The following ATP9B variants were observed in gnomAD, a reference collection of about 807,000 sequenced individuals.
The protein encoded by ATP9B is ATPase phospholipid transporting 9B, also known as probable phospholipid-transporting ATPase IIB.
A neutral mutation model predicts 146.1 loss-of-function variants in ATP9B; 110 were observed. The ratio of observed to expected loss-of-function variants is 0.75; its 90% CI spans 0.65 to 0.88. The LOEUF (loss-of-function observed/expected upper bound fraction) is 0.88. Ranked by LOEUF, ATP9B falls within the 40% of genes least tolerant of loss-of-function variation. The pLI is 0.00. For missense variants in ATP9B, 1,499 were observed against 1,496.4 expected (o/e 1.00, Z -0.03); for synonymous variants, 604 against 569.7 (o/e 1.06, Z -0.86).
intron 1 of ATP9B, among the ~76,000 whole-genome samples, chr18:79,078,839 G>A (rs1043507614): frequency 6.6e-6 from 1 of 152,126 alleles, no homozygotes; most frequent in African/African-American, 2.4e-5. Flanking sequence ...AGGCCCCGGT[G>A]TGTGTTGTTC....
At position 79,136,375 on chromosome 18, in the gene ATP9B, C is replaced by T. The variant is rs2094447839; in HGVS notation, c.668-7427C>T. On this transcript the variant is annotated intron_variant, in intron 5 of 29. Transcript: ENST00000426216. ...TTTGAGGGTTAGTTGTCTTTTATCT[C>T]AGCTTTCAATATTTTGTTACTGGTT... 6.6e-5 allele frequency among the ~76,000 whole-genome samples: 10 copies of T among 152,228 alleles called. No individual in the cohort carries two copies. The South Asian group carries it at 2.1e-3, about 32-fold the overall frequency.
intron 17 of ATP9B, among the ~76,000 whole-genome samples, chr18:79,334,077 G>A (rs1234839180): frequency 1.3e-5 from 2 of 152,290 alleles, no homozygotes; most frequent in African/African-American, 2.4e-5. Flanking sequence ...AAACTGCTAG[G>A]CTGGGCGCGG....
rs371927049 is a variant in ATP9B, at chr18:79,375,468, G to A, written c.3307+42G>A. On this transcript the variant is annotated intron_variant, in intron 29 of 29. Transcript: ENST00000426216. ...TTTCTTTCAAAAGTGTAGAAATTTA[G>A]CCAAACAATATTGATAAAGATACTT... The A allele has an allele frequency of 6.9e-6, 11 of 1,598,186 alleles. No individual in the cohort carries two copies. The African/African-American group carries it at 1.5e-4, about 22-fold the overall frequency.
chr18:79,124,962 C>T (rs546103938), intron 4 of ATP9B, among the ~76,000 whole-genome samples: 6 of 152,092 alleles, frequency 3.9e-5, no homozygotes, highest in Non-Finnish European at 8.8e-5. Context: ...TTCAGAAAGA[C>T]AGCCAGGAGA....
At chr18:79,122,481 C>T (rs1326333947) in intron 4 of ATP9B, among the ~76,000 whole-genome samples, 1 of 152,156 alleles carries the variant, frequency 6.6e-6, no homozygotes, top group Non-Finnish European at 1.5e-5. Context: ...TATCTTAAAA[C>T]CAGTGACATC....
chr18:79,319,528 G>A (rs1292241006), intron 15 of ATP9B, among the ~76,000 whole-genome samples: 1 of 152,114 alleles, frequency 6.6e-6, no homozygotes, highest in African/African-American at 2.4e-5. Flanking sequence ...CTTCCGTAGG[G>A]GTCCCTGCTT....
Position 79,154,501 on chromosome 18 carries a change from C to T in ATP9B, c.727-3C>T. The T allele has an allele frequency of 2.0e-6, 3 of 1,533,190 alleles. No individual in the cohort carries two copies. Among genetic ancestry groups the T allele is most frequent in the South Asian group, 2.7e-5 (2 of 74,948 alleles). The allele number at this position is 1,533,190 out of a possible 1,614,324, so 95.0% of individuals were successfully genotyped here. A position where few individuals can be genotyped will look rare whatever the true frequency, so the allele number is the denominator to read the frequency against. On this transcript the variant is annotated splice_polypyrimidine_tract_variant and splice_region_variant and intron_variant, in intron 6 of 29. Transcript: ENST00000426216. ...AATTAATCTTTTATAATGCTCTTTG[C>T]AGAATCAAAGAATTCCATCGGACAT...
chr18:79,119,122 A>G (rs1223984290), intron 4 of ATP9B, among the ~76,000 whole-genome samples: 2 of 152,120 alleles, frequency 1.3e-5, no homozygotes, highest in Admixed American at 1.3e-4. Context: ...TTTAACTTAA[A>G]CAATGATGGT....
At chr18:79,148,639 G>T (rs886235966) in intron 6 of ATP9B, among the ~76,000 whole-genome samples, 1 of 152,168 alleles carries the variant, frequency 6.6e-6, no homozygotes, top group Non-Finnish European at 1.5e-5. Context: ...GTGTAAGACT[G>T]AATGCCTCCT....
chr18:79,080,694 G>A (rs2073152128), intron 1 of ATP9B, among the ~76,000 whole-genome samples: 1 of 152,156 alleles, frequency 6.6e-6, no homozygotes. Context: ...TCCTTGTCTT[G>A]TGCTGGTTTT....
chr18:79,366,979 A>G (rs2097033656), intron 26 of ATP9B, among the ~76,000 whole-genome samples: 1 of 152,244 alleles, frequency 6.6e-6, no homozygotes, highest in Admixed American at 6.5e-5. Flanking sequence ...GCATGACTAG[A>G]TGATAACCAG....
intron 15 of ATP9B, among the ~76,000 whole-genome samples, chr18:79,323,714 G>A (rs887603245): frequency 6.6e-6 from 1 of 152,184 alleles, no homozygotes; most frequent in Non-Finnish European, 1.5e-5. Flanking sequence ...TCCAGTGGGG[G>A]ACACAGGCTG....
At chr18:79,170,118 C>G (rs2095047260) in intron 7 of ATP9B, among the ~76,000 whole-genome samples, 1 of 152,216 alleles carries the variant, frequency 6.6e-6, no homozygotes, top group African/African-American at 2.4e-5. Flanking sequence ...GAGCTCTGTT[C>G]TGGCTGACCT....
intron 13 of ATP9B, among the ~76,000 whole-genome samples, chr18:79,296,751 C>T (rs577505760): frequency 2.0e-5 from 3 of 152,258 alleles, no homozygotes; most frequent in African/African-American, 7.2e-5. Flanking sequence ...AAATCAGCAA[C>T]TTTTTTGGCT....
At chr18:79,200,506 G>C (rs1342461235) in intron 9 of ATP9B, among the ~76,000 whole-genome samples, 5 of 152,062 alleles carry the variant, frequency 3.3e-5, no homozygotes, top group African/African-American at 1.2e-4. Context: ...CAGCAGGATG[G>C]GTAGCTTACC....
chr18:79,317,905 A>C (rs2096690789), intron 15 of ATP9B, among the ~76,000 whole-genome samples: 1 of 152,258 alleles, frequency 6.6e-6, no homozygotes, highest in African/African-American at 2.4e-5. Context: ...AATTGCTCAA[A>C]GCCAGCAAAC....
chr18:79,136,117 G>C (rs929597284), intron 5 of ATP9B, among the ~76,000 whole-genome samples: 1 of 152,088 alleles, frequency 6.6e-6, no homozygotes, highest in Non-Finnish European at 1.5e-5. Flanking sequence ...ACTAATACTA[G>C]TGTATTAATA....
intron 2 of ATP9B, among the ~76,000 whole-genome samples, chr18:79,106,469 C>T (rs1386232010): frequency 1.3e-5 from 2 of 152,152 alleles, no homozygotes; most frequent in Non-Finnish European, 2.9e-5. Flanking sequence ...GCCTGACTCC[C>T]CTGTATAGTG....
intron 5 of ATP9B, among the ~76,000 whole-genome samples, chr18:79,130,509 GGA>G (rs141512058): frequency 1.3e-5 from 2 of 151,190 alleles, no homozygotes; most frequent in African/African-American, 2.4e-5. Flanking sequence ...AAGAAGTCGA[GGA>G]GAGAGAGAGA....
Sources: allele counts gnomAD v4.1 joint callset (sites outside exome capture counted in the v4.1 genomes callset), GRCh38; gene constraint gnomAD v4.1.1; transcripts MANE v1.5; gene names NCBI Gene and HGNC (gene_info 2026-07-23, HGNC 2026-07-21).